Variants in HCFC2 observed in about 807,000 individuals in gnomAD.
HCFC2 encodes the protein host cell factor C2, also known as host cell factor 2.
In HCFC2, 18 loss-of-function variants were observed where a neutral mutation model predicts 89.2. That is an observed-to-expected ratio of 0.20 (90% CI 0.14 to 0.30). The LOEUF (loss-of-function observed/expected upper bound fraction) is 0.30, where lower values mean the gene tolerates loss of function less well. HCFC2 is among the 10% of genes least tolerant of loss of function. HCFC2 has a pLI of 1.00. For synonymous variants in HCFC2, 308 were observed against 335.7 expected (o/e 0.92, Z 0.90); for missense variants, 578 against 956.1 (o/e 0.60, Z 5.21).
intron 3 of HCFC2, among the ~76,000 whole-genome samples, chr12:104,069,673 CTTTTTTTA>C (rs893206050): frequency 1.5e-4 from 23 of 151,884 alleles, no homozygotes; most frequent in African/African-American, 5.6e-4. Context: ...TAGACTTTCT[CTTTTTTTA>C]TTTTTTTATT....
chr12:104,078,480 C>T (rs1208068306), intron 3 of HCFC2, among the ~76,000 whole-genome samples: 1 of 152,078 alleles, frequency 6.6e-6, no homozygotes, highest in African/African-American at 2.4e-5. Flanking sequence ...AGTCATTTTG[C>T]TCAAAACTTC....
rs1883009556 is a variant in HCFC2, at chr12:104,064,806, C to G, written c.163+83C>G. On this transcript the variant is annotated intron_variant, in intron 1 of 14. Transcript: ENST00000229330. This position sits in a 1 kb window ranked among gnomAD's most constrained non-coding sequence, Gnocchi z 7.3. The stretch of plus-strand genomic sequence containing the variant: ...GGCGAGGCGGCGGCCGCGGCCCTGA[C>G]AGCTGTCACCGCCCGGTCACTGCTT... 1 of 1,292,626 alleles carries G rather than the reference C, an allele frequency of 7.7e-7. No individual in the cohort carries two copies. Among genetic ancestry groups the G allele is most frequent in the Non-Finnish European group, 1.0e-6 (1 of 972,200 alleles). The allele number at this position is 1,292,626 out of a possible 1,614,324, so 80.1% of individuals were successfully genotyped here.
Position 104,095,961 on chromosome 12 carries a change from C to A in HCFC2, c.1666+398C>A, listed in dbSNP as rs966131838. The stretch of plus-strand genomic sequence containing the variant: ...TCTTTCCTACCATGAATAAATTTAG[C>A]AAACTTTTTTTTAGACAAGATTGGT... On this transcript the variant is annotated intron_variant, in intron 11 of 14. Coordinates refer to ENST00000229330, the MANE Select transcript of HCFC2 (RefSeq NM_013320.3). This position sits in a 1 kb window ranked among gnomAD's most constrained non-coding sequence, Gnocchi z 4.2. Among the ~76,000 whole-genome samples the A allele has an allele frequency of 1.3e-5, 2 of 152,064 alleles. No individual in the cohort carries two copies. The highest frequency in any genetic ancestry group is 4.8e-5 in the African/African-American group (2 of 41,430).
chr12:104,080,187 A>G (rs766900616), intron 4 of HCFC2, among the ~76,000 whole-genome samples: 6 of 152,174 alleles, frequency 3.9e-5, no homozygotes, highest in Non-Finnish European at 8.8e-5. Context: ...ATTGTTTTTA[A>G]TTCACAATTG....
chr12:104,094,814 C>A (rs1884127604), intron 10 of HCFC2, among the ~76,000 whole-genome samples: 1 of 151,826 alleles, frequency 6.6e-6, no homozygotes, highest in African/African-American at 2.4e-5. Context: ...GAGCCAAGGA[C>A]CAAAACCTAC....
chr12:104,085,962 A>G (rs906086405), intron 7 of HCFC2, among the ~76,000 whole-genome samples: 1 of 144,902 alleles, frequency 6.9e-6, no homozygotes, highest in African/African-American at 2.6e-5. Flanking sequence ...ACTTTCTGCT[A>G]TGGAAGTTAA....
chr12:104,093,617 AAT>A, intron 10 of HCFC2, 54 bp downstream of exon 10: 1 of 1,443,270 alleles, frequency 6.9e-7, no homozygotes. Context: ...TGGGGAATTT[AAT>A]AGTCATTGAA....
intron 3 of HCFC2, among the ~76,000 whole-genome samples, chr12:104,077,376 G>A (rs1883529383): frequency 6.6e-6 from 1 of 151,688 alleles, no homozygotes; most frequent in South Asian, 2.1e-4. Context: ...CTGAGTAGCT[G>A]GGATTACAGG....
Position 104,095,925 on chromosome 12 carries a change from A to G in HCFC2, c.1666+362A>G, listed in dbSNP as rs11111893. 9.0e-3 allele frequency among the ~76,000 whole-genome samples: 1,371 copies of G among 152,320 alleles called. 20 individuals are homozygous for G. Among genetic ancestry groups the G allele is most frequent in the South Asian group, 0.046 (224 of 4,826 alleles). On this transcript the variant is annotated intron_variant, in intron 11 of 14. Coordinates refer to ENST00000229330, the MANE Select transcript of HCFC2 (RefSeq NM_013320.3). The surrounding 1 kb of genome is among the most constrained non-coding windows in gnomAD (Gnocchi z 4.2). The stretch of plus-strand genomic sequence containing the variant: ...GATTAGCACACACTATTGAAATACA[A>G]TCAGAATGTGTCTTTCCTACCATGA...
rs760260429 is a variant in HCFC2, at chr12:104,064,970, G to C, written c.163+247G>C. On this transcript the variant is annotated intron_variant, in intron 1 of 14. Coordinates refer to ENST00000229330, the MANE Select transcript of HCFC2 (RefSeq NM_013320.3). The surrounding 1 kb of genome is among the most constrained non-coding windows in gnomAD (Gnocchi z 7.3). ...GGGGCGCACCGGCCTTCAGGCGGGG[G>C]ATCCCGGACGCCCCCACCCCAGCCC... 4 of 380,010 alleles carry C rather than the reference G, an allele frequency of 1.1e-5. No individual in the cohort carries two copies. Among genetic ancestry groups the C allele is most frequent in the Non-Finnish European group, 1.9e-5 (4 of 215,108 alleles). 23.5% of individuals were successfully genotyped at this position (380,010 alleles called of 1,614,324 possible). A position where few individuals can be genotyped will look rare whatever the true frequency, so the allele number is the denominator to read the frequency against.
rs753445157 is a variant in HCFC2 at position 104,079,480 on chromosome 12, A to G, written c.509A>G (p.His170Arg). 1.2e-6 allele frequency: 2 copies of G among 1,614,148 alleles called. No individual in the cohort carries two copies. The highest frequency in any genetic ancestry group is 1.7e-6 in the Non-Finnish European group (2 of 1,179,986). Residue 170 changes from histidine to arginine, a missense_variant, in exon 4 of 15, where the codon CAT becomes CGT. Transcript: ENST00000229330. ...GATTTTTATGAGTTGGAGCTACAGC[A>G]TGGCTCTGGTGTTGTGGGTTGGAGC... is the stretch of plus-strand genomic sequence containing the variant. ...LNDFYELELQ[H>R]GSGVVGWSIP...
chr12:104,101,714 T>G (rs1026054463), intron 13 of HCFC2, among the ~76,000 whole-genome samples: 2 of 152,180 alleles, frequency 1.3e-5, no homozygotes, highest in African/African-American at 4.8e-5. Flanking sequence ...CTCTTACATT[T>G]CTCTGTGTAA....
At position 104,095,165 on chromosome 12, in the gene HCFC2, T is replaced by A. The variant is rs1457743020; in HGVS notation, c.1463-195T>A. On this transcript the variant is annotated intron_variant, in intron 10 of 14. Transcript: ENST00000229330. The surrounding 1 kb of genome is among the most constrained non-coding windows in gnomAD (Gnocchi z 4.2). ...TGAACGAGGAAGGTAAAAAGTTGGA[T>A]ATCCATTATGGATATAATGCACTTT... 6.6e-6 allele frequency among the ~76,000 whole-genome samples: 1 copy of A among 152,222 alleles called. No individual in the cohort carries two copies. Among genetic ancestry groups the A allele is most frequent in the Non-Finnish European group, 1.5e-5 (1 of 68,024 alleles).
intron 4 of HCFC2, 85 bp from the exon 5 acceptor site, chr12:104,080,661 C>T (rs1326570520): frequency 4.0e-6 from 3 of 755,888 alleles, no homozygotes; most frequent in African/African-American, 1.8e-5. Context: ...TTGGTAAGTC[C>T]TTGTTTTATT....
At chr12:104,092,053 G>C (rs1447400515) in intron 9 of HCFC2, among the ~76,000 whole-genome samples, 1 of 152,148 alleles carries the variant, frequency 6.6e-6, no homozygotes, top group Non-Finnish European at 1.5e-5. Flanking sequence ...ACAAAAAACA[G>C]GTAATTAGAA....
At chr12:104,077,847 G>T (rs1883554049) in intron 3 of HCFC2, among the ~76,000 whole-genome samples, 1 of 151,520 alleles carries the variant, frequency 6.6e-6, no homozygotes, top group South Asian at 2.1e-4. Context: ...CTTATTCCAG[G>T]TTATGATAAA....
chr12:104,074,766 G>T (rs996971974), intron 3 of HCFC2, among the ~76,000 whole-genome samples: 2 of 151,958 alleles, frequency 1.3e-5, no homozygotes, highest in Admixed American at 1.3e-4. Context: ...GGGGGAGTAG[G>T]GTGCTATTGT....
intron 5 of HCFC2, among the ~76,000 whole-genome samples, chr12:104,081,950 A>G (rs1470682709): frequency 6.6e-6 from 1 of 151,546 alleles, no homozygotes; most frequent in Non-Finnish European, 1.5e-5. Context: ...AAAAAAAAAA[A>G]TAGATCTGGT....
chr12:104,086,730 G>A, intron 7 of HCFC2, 117 bp from the exon 8 acceptor site: 1 of 760,266 alleles, frequency 1.3e-6, no homozygotes, highest in Non-Finnish European at 2.0e-6. Flanking sequence ...CCCTGTCTTG[G>A]TAAGCAGATG....
Sources: gnomAD v4.1 joint callset for allele counts (sites outside exome capture counted in the v4.1 genomes callset) on GRCh38, gnomAD v4.1.1 for gene constraint, Gnocchi (gnomAD v3.1) non-coding constraint, MANE v1.5 for transcripts, NCBI Gene and HGNC (gene_info 2026-07-23, HGNC 2026-07-21) for gene names.